Variants in ATXN1 observed in about 807,000 individuals in gnomAD.
ATXN1 encodes ataxin-1.
Under a neutral mutation model 56.4 loss-of-function variants are expected in ATXN1, and 8 were observed. That is an observed-to-expected ratio of 0.14 (90% CI 0.08 to 0.26). The LOEUF (loss-of-function observed/expected upper bound fraction) is 0.26. Ranked by LOEUF, ATXN1 falls within the 10% of genes least tolerant of loss-of-function variation. The pLI is 1.00. For synonymous variants in ATXN1, 514 were observed against 494.6 expected (o/e 1.04, Z -0.52); for missense variants, 987 against 1,106.5 (o/e 0.89, Z 1.53).
At chr6:16,685,866 C>A (rs1037209676) in intron 2 of ATXN1, among the ~76,000 whole-genome samples, 2 of 152,148 alleles carry the variant, frequency 1.3e-5, no homozygotes, top group African/African-American at 4.8e-5. Flanking sequence ...GCAGAAAGCA[C>A]TGACTTTAGC....
intron 6 of ATXN1, among the ~76,000 whole-genome samples, chr6:16,344,135 C>T (rs1215660849): frequency 6.6e-6 from 1 of 152,182 alleles, no homozygotes; most frequent in African/African-American, 2.4e-5. Context: ...AGGCTCTCCC[C>T]ACTCCAACCC....
intron 3 of ATXN1, among the ~76,000 whole-genome samples, chr6:16,601,189 C>T (rs939937789): frequency 6.6e-6 from 1 of 152,216 alleles, no homozygotes; most frequent in Non-Finnish European, 1.5e-5. Flanking sequence ...CACGTCCCAA[C>T]GTGGCAGTGT....
At chr6:16,371,672 C>T (rs537723004) in intron 6 of ATXN1, among the ~76,000 whole-genome samples, 1 of 152,134 alleles carries the variant, frequency 6.6e-6, no homozygotes, top group Non-Finnish European at 1.5e-5. Flanking sequence ...CCCATCTCAG[C>T]TTCCTGAGTA....
chr6:16,503,445 T>C (rs1277486206), intron 5 of ATXN1, among the ~76,000 whole-genome samples: 1 of 152,196 alleles, frequency 6.6e-6, no homozygotes, highest in East Asian at 1.9e-4. Context: ...GCTTTGTCCA[T>C]GCTGTCCCTT....
At chr6:16,523,970 T>C in intron 4 of ATXN1, among the ~76,000 whole-genome samples, 1 of 152,242 alleles carries the variant, frequency 6.6e-6, no homozygotes, top group East Asian at 1.9e-4. Flanking sequence ...TAAGAGAGGC[T>C]GTGAGGCAAA....
chr6:16,531,125 T>C (rs895469904), intron 4 of ATXN1, among the ~76,000 whole-genome samples: 1 of 152,210 alleles, frequency 6.6e-6, no homozygotes, highest in Non-Finnish European at 1.5e-5. Context: ...GCTGCATCTC[T>C]GACCTGGAGA....
At chr6:16,574,789 A>G (rs925912430) in intron 4 of ATXN1, among the ~76,000 whole-genome samples, 2 of 150,826 alleles carry the variant, frequency 1.3e-5, no homozygotes, top group Non-Finnish European at 2.9e-5. Context: ...CGTAGGGTGT[A>G]TTAGGATTTC....
chr6:16,733,354 A>G (rs1760034811), intron 2 of ATXN1, among the ~76,000 whole-genome samples: 1 of 151,440 alleles, frequency 6.6e-6, no homozygotes, highest in Non-Finnish European at 1.5e-5. Context: ...TGAGGCCAAG[A>G]GTTCGAGACA....
At position 16,675,954 on chromosome 6, in the gene ATXN1, G is replaced by A. The variant is rs142165829; in HGVS notation, c.-614-18053C>T. Among the ~76,000 whole-genome samples, 349 of 151,958 alleles carry A rather than the reference G, an allele frequency of 2.3e-3. 1 individual carries two copies. Among genetic ancestry groups the A allele is most frequent in the African/African-American group, 7.5e-3 (312 of 41,458 alleles). ...TGCAAGACACTGCCAAAGGAGAAGC[G>A]GACAGGGTTATGGGGAAGGAACATA... On this transcript the variant is annotated intron_variant, in intron 2 of 7. Coordinates refer to ENST00000436367, the MANE Select transcript of ATXN1 (RefSeq NM_001128164.2).
intron 6 of ATXN1, among the ~76,000 whole-genome samples, chr6:16,453,261 C>G (rs1759789747): frequency 6.6e-6 from 1 of 152,038 alleles, no homozygotes; most frequent in Non-Finnish European, 1.5e-5. Flanking sequence ...GAGATCGAGA[C>G]CATCCTGGCT....
intron 6 of ATXN1, among the ~76,000 whole-genome samples, chr6:16,427,033 T>C (rs4716069): frequency 0.2 from 30,445 of 152,044 alleles, 3,326 homozygotes; most frequent in Non-Finnish European, 0.24. Context: ...CCAGATTGTA[T>C]GTCGGAGAAG....
intron 3 of ATXN1, among the ~76,000 whole-genome samples, chr6:16,593,142 A>G (rs1240283229): frequency 6.6e-6 from 1 of 152,106 alleles, no homozygotes; most frequent in Non-Finnish European, 1.5e-5. Context: ...GCTGCATTTT[A>G]TAATACCCTT....
intron 7 of ATXN1, among the ~76,000 whole-genome samples, chr6:16,309,056 C>T (rs1760323462): frequency 1.3e-5 from 2 of 151,306 alleles, no homozygotes; most frequent in African/African-American, 4.9e-5. Context: ...AATGAGACCC[C>T]GTTTCTACAG....
intron 6 of ATXN1, among the ~76,000 whole-genome samples, chr6:16,346,137 C>T (rs1400259433): frequency 6.6e-6 from 1 of 152,180 alleles, no homozygotes; most frequent in African/African-American, 2.4e-5. Flanking sequence ...CTCACTGCAA[C>T]CTCCGCCTCC....
intron 6 of ATXN1, among the ~76,000 whole-genome samples, chr6:16,331,315 G>T (rs1760987083): frequency 6.6e-6 from 1 of 152,162 alleles, no homozygotes; most frequent in African/African-American, 2.4e-5. Context: ...TAGGGTTTTT[G>T]TAAGTGACAA....
intron 6 of ATXN1, among the ~76,000 whole-genome samples, chr6:16,389,132 C>T (rs761777559): frequency 3.3e-5 from 5 of 151,910 alleles, no homozygotes; most frequent in Non-Finnish European, 4.4e-5. Context: ...GTGAGGAGTT[C>T]GAGAGACCAG....
chr6:16,507,370 G>A (rs1013236686), intron 5 of ATXN1, among the ~76,000 whole-genome samples: 21 of 152,192 alleles, frequency 1.4e-4, no homozygotes, highest in African/African-American at 4.3e-4. Context: ...ATGTCCGAAG[G>A]AACTCTGAAA....
chr6:16,524,884 C>A (rs540088670), intron 4 of ATXN1, among the ~76,000 whole-genome samples: 1 of 152,260 alleles, frequency 6.6e-6, no homozygotes, highest in Non-Finnish European at 1.5e-5. Flanking sequence ...AAAACCCCAT[C>A]TCTACTAAAA....
chr6:16,412,296 G>T (rs2113553089), intron 6 of ATXN1, among the ~76,000 whole-genome samples: 1 of 152,260 alleles, frequency 6.6e-6, no homozygotes, highest in Non-Finnish European at 1.5e-5. Context: ...CTTAACAAGT[G>T]AGAGACTATT....
Sources: gnomAD v4.1 joint callset for allele counts (sites outside exome capture counted in the v4.1 genomes callset) on GRCh38, gnomAD v4.1.1 for gene constraint, MANE v1.5 for transcripts, NCBI Gene and HGNC (gene_info 2026-07-23, HGNC 2026-07-21) for gene names.